The following PLPP1 variants were observed in gnomAD, a reference collection of about 807,000 sequenced individuals.
PLPP1 encodes the protein phospholipid phosphatase 1, also known as lipid phosphate phosphohydrolase 1a.
PLPP1 carries 24 observed loss-of-function variants against 31.2 expected under a neutral mutation model. That is an observed-to-expected ratio of 0.77 (90% CI 0.56 to 1.08). The LOEUF is 1.08. PLPP1 is among the 50% of genes least tolerant of loss of function. The pLI, the probability that PLPP1 is intolerant of heterozygous loss-of-function variation, is 0.00. For missense variants in PLPP1, 319 were observed against 342.7 expected, an observed-to-expected ratio of 0.93 and a Z score of 0.55; for synonymous variants, 146 against 126.3, an observed-to-expected ratio of 1.16 and a Z score of -1.05.
At chr5:55,474,264 TG>T (rs1343187614) in intron 2 of PLPP1, among the ~76,000 whole-genome samples, 3 of 152,216 alleles carry the variant, frequency 2.0e-5, no homozygotes, top group African/African-American at 4.8e-5. Flanking sequence ...CCCAAAGTGC[TG>T]GGATTACAGG....
intron 1 of PLPP1, among the ~76,000 whole-genome samples, chr5:55,499,028 C>T (rs1753063147): frequency 6.6e-6 from 1 of 152,170 alleles, no homozygotes; most frequent in Non-Finnish European, 1.5e-5. Context: ...CCAATTGCAT[C>T]CTCTTTACTG....
intron 1 of PLPP1, among the ~76,000 whole-genome samples, chr5:55,506,934 T>C (rs1753292545): frequency 6.6e-6 from 1 of 152,230 alleles, no homozygotes; most frequent in Non-Finnish European, 1.5e-5. Flanking sequence ...ATGTTCTCTG[T>C]GTCCAATTCA....
chr5:55,510,507 G>A (rs1753381966), intron 1 of PLPP1, among the ~76,000 whole-genome samples: 1 of 152,128 alleles, frequency 6.6e-6, no homozygotes, highest in African/African-American at 2.4e-5. Flanking sequence ...TCACAGAACT[G>A]TACACTAAAT....
At chr5:55,460,253 T>G (rs1372024990) in intron 3 of PLPP1, among the ~76,000 whole-genome samples, 1 of 152,040 alleles carries the variant, frequency 6.6e-6, no homozygotes, top group African/African-American at 2.4e-5. Context: ...AAGCATCTAC[T>G]TTATGAAACT....
At chr5:55,528,062 C>G (rs1740531717) in intron 1 of PLPP1, among the ~76,000 whole-genome samples, 1 of 152,148 alleles carries the variant, frequency 6.6e-6, no homozygotes. Context: ...GAAAGATATT[C>G]TAAATGATTG....
chr5:55,530,572 ACTT>A, intron 1 of PLPP1: 1 of 1,292,288 alleles, frequency 7.7e-7, no homozygotes. Context: ...TCATCCTGAT[ACTT>A]CTTACAAGAT....
Position 55,437,385 on chromosome 5 carries a change from T to A in PLPP1, c.549+4466A>T, listed in dbSNP as rs529160944. On this transcript the variant is annotated intron_variant, in intron 4 of 5. Transcript: ENST00000307259. ...ATTCTATTGTTAATAAAGTAAGAAC[T>A]TTTTTTTTTCCATTTTAAACTAGAG... Among the ~76,000 whole-genome samples, 3 of 150,778 alleles carry A rather than the reference T, an allele frequency of 2.0e-5. No homozygotes were observed. In the South Asian group the frequency reaches 6.3e-4, roughly 32 times the overall value.
intron 1 of PLPP1, among the ~76,000 whole-genome samples, chr5:55,487,730 A>G (rs1184658477): frequency 6.6e-6 from 1 of 152,180 alleles, no homozygotes; most frequent in Non-Finnish European, 1.5e-5. Flanking sequence ...ACAAACTATT[A>G]AAACAAACAA....
At chr5:55,458,915 A>AAAAAAAAAAAAAAAC (rs1561231077) in intron 3 of PLPP1, among the ~76,000 whole-genome samples, 4 of 149,064 alleles carry the variant, frequency 2.7e-5, no homozygotes, top group African/African-American at 9.9e-5. Context: ...AAAAAAAAAA[A>AAAAAAAAAAAAAAAC]ACACATAGCA....
rs1192080145 is a variant in PLPP1 at position 55,534,693 on chromosome 5, T to C, written c.-64A>G. The C allele has an allele frequency of 2.0e-5, 29 of 1,477,846 alleles. No homozygotes were observed. Among genetic ancestry groups the C allele is most frequent in the Non-Finnish European group, 2.6e-5 (29 of 1,103,936 alleles). 91.5% of individuals were successfully genotyped at this position (1,477,846 alleles called of 1,614,324 possible). On this transcript the variant is annotated 5_prime_UTR_variant, in exon 1 of 6. Transcript: ENST00000307259. ...AGCTGCGGGACGGCGGCCGAGGCCC[T>C]TGATTCTCGAGCCCGGGCCGGGGCT... is the stretch of plus-strand genomic sequence containing the variant.
intron 1 of PLPP1, among the ~76,000 whole-genome samples, chr5:55,503,813 G>A (rs1324733500): frequency 8.0e-6 from 1 of 125,414 alleles, no homozygotes; most frequent in African/African-American, 3.1e-5. Flanking sequence ...GGGGAGGAAG[G>A]GGAGGGGAGG....
chr5:55,534,698 T>C lies in PLPP1; in HGVS notation c.-69A>G. 6.8e-7 allele frequency: 1 copy of C among 1,465,818 alleles called. No homozygotes were observed. 90.8% of individuals were successfully genotyped at this position (1,465,818 alleles called of 1,614,324 possible). A position where few individuals can be genotyped will look rare whatever the true frequency, so the allele number is the denominator to read the frequency against. On this transcript the variant is annotated 5_prime_UTR_variant, in exon 1 of 6. Transcript: ENST00000307259. ...CGGGACGGCGGCCGAGGCCCTTGAT[T>C]CTCGAGCCCGGGCCGGGGCTGGCGA...
At chr5:55,500,206 A>T (rs1461443460) in intron 1 of PLPP1, among the ~76,000 whole-genome samples, 1 of 151,170 alleles carries the variant, frequency 6.6e-6, no homozygotes, top group Non-Finnish European at 1.5e-5. Context: ...CAGCCTCCCG[A>T]GTAGCTGGGA....
At chr5:55,453,394 C>T (rs1040568429) in intron 3 of PLPP1, among the ~76,000 whole-genome samples, 1 of 152,104 alleles carries the variant, frequency 6.6e-6, no homozygotes, top group East Asian at 1.9e-4. Flanking sequence ...AACCGAGGAG[C>T]ATTAGGAAGT....
intron 4 of PLPP1, among the ~76,000 whole-genome samples, chr5:55,428,930 A>G (rs1393762106): frequency 3.9e-5 from 6 of 152,134 alleles, no homozygotes; most frequent in African/African-American, 1.4e-4. Context: ...CAACATTATT[A>G]CTTTTAATTC....
rs1165415513 is a variant in PLPP1, at chr5:55,503,098, CT to C, written c.59-27649del. Among the ~76,000 whole-genome samples the C allele has an allele frequency of 2.0e-5, 3 of 152,270 alleles. 1 individual carries two copies. Among genetic ancestry groups the C allele is most frequent in the South Asian group, 4.1e-4 (2 of 4,828 alleles). The stretch of plus-strand genomic sequence containing the variant: ...TTGTCTTCTGGCTGTCCAAAGCTGC[CT>C]TTTACAGTATCGCATCTCCACTGCA... On this transcript the variant is annotated intron_variant, in intron 1 of 5. Transcript: ENST00000307259.
chr5:55,425,290 T>C lies in PLPP1; in HGVS notation c.771A>G (p.Lys257=). 2 of 1,610,186 alleles carry C rather than the reference T, an allele frequency of 1.2e-6. No homozygotes were observed. Among genetic ancestry groups the C allele is most frequent in the Non-Finnish European group, 1.7e-6 (2 of 1,176,666 alleles). The change falls in exon 6 of 6, where the codon AAA becomes AAG. Residue 257 remains lysine (K), a synonymous_variant. Coordinates refer to ENST00000307259, the MANE Select transcript of PLPP1 (RefSeq NM_003711.4). ...TATGAGAGTCCTCCTCTTTTCTTTC[T>C]TTAAAAGAAGTTCTTTCTTTGAAGA... ...SDFFKERTSF[K]ERKEEDSHTT... is the part of the protein sequence containing the mutation.
chr5:55,443,192 A>AAAAAAAAAT, intron 3 of PLPP1, among the ~76,000 whole-genome samples: 1 of 25,418 alleles, frequency 3.9e-5, no homozygotes, highest in African/African-American at 1.1e-4. Context: ...AAAAAAAAAA[A>AAAAAAAAAT]ATATATATAT....
At chr5:55,444,453 T>C (rs1163064459) in intron 3 of PLPP1, among the ~76,000 whole-genome samples, 1 of 152,180 alleles carries the variant, frequency 6.6e-6, no homozygotes, top group Admixed American at 6.5e-5. Flanking sequence ...CTAAGAACCC[T>C]GCCCTTAGAC....
Sources: allele counts gnomAD v4.1 joint callset (sites outside exome capture counted in the v4.1 genomes callset), GRCh38; gene constraint gnomAD v4.1.1; transcripts MANE v1.5; gene names NCBI Gene and HGNC (gene_info 2026-07-23, HGNC 2026-07-21).